PTBP3: variants seen among roughly 807,000 people sequenced by gnomAD.
PTBP3 encodes polypyrimidine tract binding protein 3.
A neutral mutation model predicts 58.7 loss-of-function variants in PTBP3; 20 were observed. The observed-to-expected ratio is 0.34, with a 90% CI of 0.24 to 0.50. PTBP3 has a LOEUF of 0.50. PTBP3 is among the 20% of genes least tolerant of loss of function. PTBP3 has a pLI of 0.98. For missense variants in PTBP3, 509 were observed against 637.2 expected (o/e 0.80, Z 2.17); for synonymous variants, 185 against 219.8 (o/e 0.84, Z 1.40).
At chr9:112,305,942 A>G (rs1379103061) in intron 1 of PTBP3, among the ~76,000 whole-genome samples, 3 of 151,894 alleles carry the variant, frequency 2.0e-5, no homozygotes, top group African/African-American at 7.3e-5. Flanking sequence ...TCTGTCTCAA[A>G]AAATAAAAAT....
intron 2 of PTBP3, among the ~76,000 whole-genome samples, chr9:112,280,770 T>C (rs1827825258): frequency 2.8e-5 from 1 of 35,794 alleles, no homozygotes; most frequent in South Asian, 1.8e-3. Context: ...TGTGTGTATG[T>C]GTGTGTGTGT....
intron 1 of PTBP3, among the ~76,000 whole-genome samples, chr9:112,330,724 T>C (rs1180832169): frequency 6.6e-6 from 1 of 152,202 alleles, no homozygotes; most frequent in Non-Finnish European, 1.5e-5. Context: ...TTTAGGAAAG[T>C]ATAGTCAAAC....
the PTBP3 span, among the ~76,000 whole-genome samples, chr9:112,354,500 C>A: frequency 1.3e-5 from 2 of 152,178 alleles, no homozygotes; most frequent in African/African-American, 4.8e-5. Flanking sequence ...ACCTCCTCTC[C>A]ATACCACCCC....
the PTBP3 span, among the ~76,000 whole-genome samples, chr9:112,348,534 T>C: frequency 2.4e-4 from 36 of 152,344 alleles, no homozygotes; most frequent in African/African-American, 8.4e-4. Flanking sequence ...CCCTCCCAAG[T>C]GTTAGCAAGC....
At chr9:112,251,247 CACAG>C in intron 6 of PTBP3, 144 bp from the exon 7 acceptor site, 1 of 514,054 alleles carries the variant, frequency 1.9e-6, no homozygotes, top group Middle Eastern at 5.6e-4. Context: ...ACTTTTACCT[CACAG>C]TCATTAACTA....
chr9:112,265,151 T>C (rs571049862), intron 4 of PTBP3, among the ~76,000 whole-genome samples: 7 of 135,090 alleles, frequency 5.2e-5, no homozygotes, highest in East Asian at 2.0e-4. Flanking sequence ...ACGCAAGATA[T>C]ATTAATCAGT....
At chr9:112,307,936 A>C (rs1829295480) in intron 1 of PTBP3, among the ~76,000 whole-genome samples, 1 of 152,216 alleles carries the variant, frequency 6.6e-6, no homozygotes, top group South Asian at 2.1e-4. Context: ...TTAAAACATT[A>C]AGATATTTTT....
At position 112,327,048 on chromosome 9, in the gene PTBP3, G is replaced by A. The variant is rs147485520; in HGVS notation, c.-52+6422C>T. ...GCCTGGACAACATGGTGAGGCCTTC[G>A]TCTCTACAAAAAAACTTAAACATTA... On this transcript the variant is annotated intron_variant, in intron 1 of 13. Coordinates refer to ENST00000374257, the MANE Select transcript of PTBP3 (RefSeq NM_001163788.4). Among the ~76,000 whole-genome samples, 10 of 151,410 alleles carry A rather than the reference G, an allele frequency of 6.6e-5. No homozygotes were observed. In the East Asian group the frequency reaches 1.4e-3, roughly 21 times the overall value.
At chr9:112,282,191 T>C (rs1827900087) in intron 2 of PTBP3, among the ~76,000 whole-genome samples, 1 of 152,212 alleles carries the variant, frequency 6.6e-6, no homozygotes, top group African/African-American at 2.4e-5. Context: ...TCTGGGAGGA[T>C]ACAAACATTA....
the PTBP3 span, among the ~76,000 whole-genome samples, chr9:112,355,813 G>A: frequency 6.6e-6 from 1 of 151,692 alleles, no homozygotes; most frequent in East Asian, 1.9e-4. Context: ...TAGAGACAGG[G>A]TTTCGCGTTG....
In PTBP3 at chr9:112,241,448, A is replaced by G. The variant is rs1835657499; in HGVS notation, c.803-6551T>C. On this transcript the variant is annotated intron_variant, in intron 7 of 13. Coordinates refer to ENST00000374257, the MANE Select transcript of PTBP3 (RefSeq NM_001163788.4). ...TTAAGGAAATAAAAATATTACTTCC[A>G]GTCCTGCAACCTCTACTCATAGGAA... Among the ~76,000 whole-genome samples, 3 of 152,208 alleles carry G rather than the reference A, an allele frequency of 2.0e-5. No homozygotes were observed. In the South Asian group the frequency reaches 6.2e-4, roughly 31 times the overall value.
At chr9:112,344,729 T>C in the PTBP3 span, among the ~76,000 whole-genome samples, 1 of 152,024 alleles carries the variant, frequency 6.6e-6, no homozygotes, top group Non-Finnish European at 1.5e-5. Context: ...TTAAAATTAA[T>C]GCAAAAGAAA....
intron 8 of PTBP3, among the ~76,000 whole-genome samples, 197 bp from the exon 9 acceptor site, chr9:112,232,435 A>G (rs149767225): frequency 6.6e-5 from 10 of 152,262 alleles, no homozygotes; most frequent in Non-Finnish European, 1.0e-4. Context: ...TGACATTACT[A>G]TACTTAGTGC....
intron 2 of PTBP3, among the ~76,000 whole-genome samples, chr9:112,280,715 C>G (rs1427923374): frequency 6.6e-6 from 1 of 151,986 alleles, no homozygotes; most frequent in African/African-American, 2.4e-5. Context: ...GGTCATGACA[C>G]ATGTACCATG....
intron 10 of PTBP3, among the ~76,000 whole-genome samples, chr9:112,229,623 A>C (rs1835124584): frequency 6.6e-6 from 1 of 152,224 alleles, no homozygotes; most frequent in Non-Finnish European, 1.5e-5. Context: ...TGGCACTTTA[A>C]AAATTTAAAA....
chr9:112,377,551 T>G, the PTBP3 span, among the ~76,000 whole-genome samples: 4 of 152,156 alleles, frequency 2.6e-5, no homozygotes, highest in Admixed American at 6.5e-5. Flanking sequence ...TATCCCAGAA[T>G]TCTTCTAAAT....
In PTBP3 at chr9:112,221,203, T is replaced by C; in HGVS notation, c.*2648A>G. On this transcript the variant is annotated 3_prime_UTR_variant, in exon 14 of 14. Coordinates refer to ENST00000374257, the MANE Select transcript of PTBP3 (RefSeq NM_001163788.4). Reference sequence around the variant, plus strand: ...GGTTAATTTTGTCAATAAATTAAAATGTATGTAATGTGCATATGTATATAC... The same window carrying C: ...GGTTAATTTTGTCAATAAATTAAAACGTATGTAATGTGCATATGTATATAC... 1 of 985,366 alleles carries C rather than the reference T, an allele frequency of 1.0e-6. No individual in the cohort carries two copies. Among genetic ancestry groups the C allele is most frequent in the Non-Finnish European group, 1.2e-6 (1 of 829,464 alleles). The allele number at this position is 985,366 out of a possible 1,614,324, so 61.0% of individuals were successfully genotyped here. A position where few individuals can be genotyped will look rare whatever the true frequency, so the allele number is the denominator to read the frequency against.
At chr9:112,253,138 A>G (rs937426833) in intron 5 of PTBP3, among the ~76,000 whole-genome samples, 1 of 152,204 alleles carries the variant, frequency 6.6e-6, no homozygotes, top group Non-Finnish European at 1.5e-5. Context: ...AGAATCATCT[A>G]CTTTTTGAGA....
intron 7 of PTBP3, among the ~76,000 whole-genome samples, chr9:112,237,283 A>T (rs542143112): frequency 6.6e-6 from 1 of 152,328 alleles, no homozygotes; most frequent in South Asian, 2.1e-4. Context: ...ATCATATAGC[A>T]AAGTAACCTG....
Sources: gnomAD v4.1 joint callset for allele counts (sites outside exome capture counted in the v4.1 genomes callset) on GRCh38, gnomAD v4.1.1 for gene constraint, MANE v1.5 for transcripts, NCBI Gene and HGNC (gene_info 2026-07-23, HGNC 2026-07-21) for gene names.